The following ADAMTS18 variants were observed in gnomAD, a reference collection of about 807,000 sequenced individuals.
The protein encoded by ADAMTS18 is A disintegrin and metalloproteinase with thrombospondin motifs 18.
ADAMTS18 carries 157 observed loss-of-function variants against 165.9 expected under a neutral mutation model. The observed-to-expected ratio is 0.95, with a 90% confidence interval of 0.83 to 1.08. ADAMTS18 has a LOEUF of 1.08. Among genes scored for constraint, ADAMTS18 ranks in the 50% least tolerant of loss-of-function variants. ADAMTS18 has a pLI of 0.00. For synonymous variants in ADAMTS18, 782 were observed against 578.2 expected, an observed-to-expected ratio of 1.35 and a Z score of -5.06; for missense variants, 2,040 against 1,534.0, an observed-to-expected ratio of 1.33 and a Z score of -5.51.
At chr16:77,325,721 G>A (rs1448470947) in intron 13 of ADAMTS18, 145 bp downstream of exon 13, 1 of 797,612 alleles carries the variant, frequency 1.3e-6, no homozygotes, top group Non-Finnish European at 1.9e-6. Flanking sequence ...AAAACCCATG[G>A]AATGAAACAC....
chr16:77,426,138 T>C (rs2057669254), intron 3 of ADAMTS18, among the ~76,000 whole-genome samples: 1 of 152,206 alleles, frequency 6.6e-6, no homozygotes, highest in Non-Finnish European at 1.5e-5. Context: ...CATATTAGTG[T>C]ATTAAAAGGT....
At chr16:77,322,287 A>G in intron 14 of ADAMTS18, 49 bp downstream of exon 14, 1 of 1,610,394 alleles carries the variant, frequency 6.2e-7, no homozygotes, top group Non-Finnish European at 8.5e-7. Context: ...ACACGATATG[A>G]TAAAACACAA....
At position 77,434,661 on chromosome 16, in the gene ADAMTS18, G is replaced by C. The variant is rs200952997; in HGVS notation, c.35C>G (p.Pro12Arg). The C allele has an allele frequency of 7.6e-3, 11,191 of 1,479,436 alleles. 44 individuals are homozygous for C. Among genetic ancestry groups the C allele is most frequent in the Non-Finnish European group, 8.4e-3 (9,417 of 1,121,942 alleles). The allele number at this position is 1,479,436 out of a possible 1,614,324, so 91.6% of individuals were successfully genotyped here. The part of the protein sequence containing the change: ...ECALLLACAF[P>R]AAGSGPPRGL... ...CCTCGGCGGGCCCGAACCCGCAGCC[G>C]GGAAGGCACACGCGAGCAGGAGGGC... The change falls in exon 1 of 23, where the codon CCG (proline) becomes CGG (arginine). Residue 12 changes from proline to arginine, a missense_variant. Transcript: ENST00000282849.
intron 6 of ADAMTS18, among the ~76,000 whole-genome samples, chr16:77,363,116 T>G (rs1394299454): frequency 6.6e-6 from 1 of 152,154 alleles, no homozygotes; most frequent in Admixed American, 6.5e-5. Context: ...AAATAGCCAT[T>G]TGAATGGTAA....
intron 3 of ADAMTS18, among the ~76,000 whole-genome samples, chr16:77,371,707 C>T (rs2056878709): frequency 6.6e-6 from 1 of 152,204 alleles, no homozygotes; most frequent in Admixed American, 6.5e-5. Flanking sequence ...TGACATAGGT[C>T]TGGGCAAGGA....
In ADAMTS18 at chr16:77,435,034, T is replaced by C; in HGVS notation, c.-339A>G. 5.2e-6 allele frequency: 1 copy of C among 192,880 alleles called. No homozygotes were observed. Among genetic ancestry groups the C allele is most frequent in the Non-Finnish European group, 1.1e-5 (1 of 94,906 alleles). 11.9% of individuals were successfully genotyped at this position (192,880 alleles called of 1,614,324 possible). A position where few individuals can be genotyped will look rare whatever the true frequency, so the allele number is the denominator to read the frequency against. On this transcript the variant is annotated 5_prime_UTR_variant, in exon 1 of 23. Transcript: ENST00000282849. Reference sequence around the variant, plus strand: ...GTCTGTCTGTGTCGGTGTGAGCGTCTGAGGCGATGGGGAAGACAGCGCCAG... The same window carrying C: ...GTCTGTCTGTGTCGGTGTGAGCGTCCGAGGCGATGGGGAAGACAGCGCCAG...
intron 12 of ADAMTS18, among the ~76,000 whole-genome samples, chr16:77,332,702 A>C (rs1005685785): frequency 2.6e-5 from 4 of 152,176 alleles, no homozygotes; most frequent in African/African-American, 9.6e-5. Context: ...TAAAAGTAAC[A>C]TAAAACCACC....
At chr16:77,393,511 G>A (rs1000723872) in intron 3 of ADAMTS18, among the ~76,000 whole-genome samples, 2 of 152,182 alleles carry the variant, frequency 1.3e-5, no homozygotes, top group African/African-American at 4.8e-5. Context: ...GGTCTTAGGA[G>A]GTAGGATCTC....
chr16:77,298,081 T>C (rs1314877563), intron 17 of ADAMTS18, among the ~76,000 whole-genome samples: 1 of 151,914 alleles, frequency 6.6e-6, no homozygotes, highest in African/African-American at 2.4e-5. Context: ...TGTGACACCA[T>C]ACCCAGCTAA....
intron 3 of ADAMTS18, among the ~76,000 whole-genome samples, chr16:77,370,987 C>T (rs986484547): frequency 2.0e-5 from 3 of 152,008 alleles, no homozygotes; most frequent in African/African-American, 7.2e-5. Flanking sequence ...GTGACTTATG[C>T]CTATAATCCC....
intron 3 of ADAMTS18, among the ~76,000 whole-genome samples, chr16:77,412,343 T>C (rs937581411): frequency 6.6e-6 from 1 of 152,124 alleles, no homozygotes; most frequent in Non-Finnish European, 1.5e-5. Flanking sequence ...AATTTCTTTT[T>C]TTGAGACAGG....
rs2057779499 is a variant in ADAMTS18, at chr16:77,434,945, C to T, written c.-250G>A. On this transcript the variant is annotated 5_prime_UTR_variant, in exon 1 of 23. Transcript: ENST00000282849. Reference sequence around the variant, plus strand: ...GGCACCCCAGAGGGTACGGGGGGCTCCCTGGGCCGGGACTGGAGCGCAAAC... The same window carrying T: ...GGCACCCCAGAGGGTACGGGGGGCTTCCTGGGCCGGGACTGGAGCGCAAAC... 1 of 353,348 alleles carries T rather than the reference C, an allele frequency of 2.8e-6. No individual in the cohort carries two copies. Among genetic ancestry groups the T allele is most frequent in the African/African-American group, 2.2e-5 (1 of 46,392 alleles). The allele number at this position is 353,348 out of a possible 1,614,324, so 21.9% of individuals were successfully genotyped here.
intron 10 of ADAMTS18, among the ~76,000 whole-genome samples, chr16:77,347,511 C>T (rs2056495156): frequency 6.6e-6 from 1 of 152,154 alleles, no homozygotes; most frequent in South Asian, 2.1e-4. Flanking sequence ...AGTCAGTGTG[C>T]AGTGGTGCCC....
intron 3 of ADAMTS18, among the ~76,000 whole-genome samples, chr16:77,423,223 T>A (rs1009954895): frequency 6.6e-6 from 1 of 152,214 alleles, no homozygotes; most frequent in Non-Finnish European, 1.5e-5. Context: ...TTTAGCTGAA[T>A]CTCTTCTCAA....
intron 6 of ADAMTS18, 105 bp downstream of exon 6, chr16:77,363,697 G>T: frequency 3.0e-6 from 3 of 1,005,284 alleles, no homozygotes; most frequent in South Asian, 2.7e-5. Context: ...TTTCAAATTT[G>T]AGCAGCTAAC....
At chr16:77,347,825 C>T (rs1472628973) in intron 10 of ADAMTS18, among the ~76,000 whole-genome samples, 1 of 152,098 alleles carries the variant, frequency 6.6e-6, no homozygotes, top group South Asian at 2.1e-4. Flanking sequence ...ATAGAATGTG[C>T]TACCCAGATC....
intron 3 of ADAMTS18, among the ~76,000 whole-genome samples, chr16:77,414,408 G>A (rs547655674): frequency 2.0e-5 from 3 of 152,242 alleles, no homozygotes; most frequent in Non-Finnish European, 2.9e-5. Context: ...GAAGACTCAT[G>A]TGAAAAATAA....
At chr16:77,402,879 C>A (rs915883149) in intron 3 of ADAMTS18, among the ~76,000 whole-genome samples, 1 of 152,086 alleles carries the variant, frequency 6.6e-6, no homozygotes, top group Non-Finnish European at 1.5e-5. Context: ...CCTTTGTGTC[C>A]AGCTTCCTCA....
intron 3 of ADAMTS18, among the ~76,000 whole-genome samples, chr16:77,395,442 C>T (rs562320281): frequency 6.6e-6 from 1 of 152,306 alleles, no homozygotes; most frequent in East Asian, 1.9e-4. Flanking sequence ...ACAAGTCATT[C>T]CCTCCACTGG....
Sources: gnomAD v4.1 joint callset for allele counts (sites outside exome capture counted in the v4.1 genomes callset) on GRCh38, gnomAD v4.1.1 for gene constraint, MANE v1.5 for transcripts, NCBI Gene and HGNC (gene_info 2026-07-23, HGNC 2026-07-21) for gene names.